SMUG1: variants seen among roughly 807,000 people sequenced by gnomAD.
SMUG1 encodes single-strand-selective monofunctional uracil-DNA glycosylase 1, also known as single-strand selective monofunctional uracil DNA glycosylase.
SMUG1 carries 13 observed loss-of-function variants against 23.9 expected under a neutral mutation model. That is an observed-to-expected ratio of 0.54 (90% CI 0.35 to 0.86). The LOEUF is 0.86. Ranked by LOEUF, SMUG1 falls within the 40% of genes least tolerant of loss-of-function variation. The probability of loss-of-function intolerance (pLI) is 0.01; values close to 1 mark genes in which losing one functional copy is unlikely to be tolerated. For synonymous variants in SMUG1, 133 were observed against 139.8 expected, an observed-to-expected ratio of 0.95 and a Z score of 0.34; for missense variants, 313 against 339.5, an observed-to-expected ratio of 0.92 and a Z score of 0.61.
At chr12:54,163,921 G>A (rs1363422108), downstream of SMUG1, among the ~76,000 whole-genome samples, 3 of 152,110 alleles carry the variant, frequency 2.0e-5, no homozygotes, top group East Asian at 1.9e-4. Flanking sequence ...AACAAAGGAG[G>A]GCTTCACAGT....
chr12:54,164,816 T>G (rs1300872339), intron 4 of SMUG1: 1 of 152,236 alleles, frequency 6.6e-6, no homozygotes, highest in African/African-American at 2.4e-5. Context: ...ATAGTAGCAG[T>G]GAAAACATGA....
At position 54,180,402 on chromosome 12, in the gene SMUG1, G is replaced by A. The variant is rs1398780681; in HGVS notation, c.*1694C>T. 6.6e-6 allele frequency: 1 copy of A among 152,192 alleles called. No homozygotes were observed. The highest frequency in any genetic ancestry group is 1.5e-5 in the Non-Finnish European group (1 of 68,030). The allele number at this position is 152,192 out of a possible 1,614,324, so 9.4% of individuals were successfully genotyped here. ...GCCAAATTCTTTATTATACAATGAA[G>A]TAGGGGAGGATTTATATGAAAAATC... On this transcript the variant is annotated 3_prime_UTR_variant, in exon 4 of 4. Transcript: ENST00000682136.
At position 54,181,665 on chromosome 12, in the gene SMUG1, A is replaced by T; in HGVS notation, c.*431T>A. ...CTTGGTCCCTGTGAGGAAAGGGGTCAGCTAAAGGTAACTGTTCTATAAGGA... is the reference window on the plus strand; with the variant it reads ...CTTGGTCCCTGTGAGGAAAGGGGTCTGCTAAAGGTAACTGTTCTATAAGGA... On this transcript the variant is annotated 3_prime_UTR_variant, in exon 4 of 4. Coordinates refer to ENST00000682136, the MANE Select transcript of SMUG1 (RefSeq NM_001243787.2). 1 of 1,588,104 alleles carries T rather than the reference A, an allele frequency of 6.3e-7. No homozygotes were observed. Among genetic ancestry groups the T allele is most frequent in the Non-Finnish European group, 8.5e-7 (1 of 1,174,738 alleles).
In SMUG1 at chr12:54,181,666, G is replaced by C. The variant is rs1225613096; in HGVS notation, c.*430C>G. 3.1e-6 allele frequency: 5 copies of C among 1,587,792 alleles called. No homozygotes were observed. The South Asian group carries it at 5.6e-5, about 18-fold the overall frequency. ...TTGGTCCCTGTGAGGAAAGGGGTCA[G>C]CTAAAGGTAACTGTTCTATAAGGAT... On this transcript the variant is annotated 3_prime_UTR_variant, in exon 4 of 4. Transcript: ENST00000682136.
chr12:54,159,170 C>A (rs1236391894), intron 4 of SMUG1, among the ~76,000 whole-genome samples: 2 of 152,262 alleles, frequency 1.3e-5, no homozygotes, highest in East Asian at 3.9e-4. Context: ...CCAGCCCCAG[C>A]CCCAGCGGAG....
chr12:54,166,521 C>A (rs901388383), intron 3 of SMUG1, among the ~76,000 whole-genome samples: 1 of 152,186 alleles, frequency 6.6e-6, no homozygotes, highest in African/African-American at 2.4e-5. Flanking sequence ...CCCCTTCCCA[C>A]TCCTAAATTG....
rs141592763 is a variant in SMUG1 at position 54,183,895 on chromosome 12, C to T, written c.46G>A (p.Ala16Thr). 1.9e-6 allele frequency: 3 copies of T among 1,604,972 alleles called. No homozygotes were observed. The highest frequency in any genetic ancestry group is 1.3e-5 in the African/African-American group (1 of 74,836). ...GGGCAGGGCTGGGGCTCCATGAGGGCACCTGCAGGCTCATGGATGGACCCC... is the reference window on the plus strand; with the variant it reads ...GGGCAGGGCTGGGGCTCCATGAGGGTACCTGCAGGCTCATGGATGGACCCC... ...LLGSIHEPAG[A>T]LMEPQPCPGS... Residue 16 changes from alanine to threonine, a missense_variant, in exon 3 of 4, where the codon GCC becomes ACC. Ala to Thr is a moderately conservative substitution (Grantham distance 58). Coordinates refer to ENST00000682136, the MANE Select transcript of SMUG1 (RefSeq NM_001243787.2).
intron 3 of SMUG1, among the ~76,000 whole-genome samples, chr12:54,166,263 A>G (rs1940460852): frequency 6.6e-6 from 1 of 152,206 alleles, no homozygotes; most frequent in Non-Finnish European, 1.5e-5. Context: ...CGGGAGGCTG[A>G]GGCAGGAGAA....
In SMUG1 at chr12:54,181,458, C is replaced by T; in HGVS notation, c.*638G>A. 1 of 1,157,722 alleles carries T rather than the reference C, an allele frequency of 8.6e-7. No homozygotes were observed. Among genetic ancestry groups the T allele is most frequent in the Non-Finnish European group, 1.2e-6 (1 of 807,788 alleles). The allele number at this position is 1,157,722 out of a possible 1,614,324, so 71.7% of individuals were successfully genotyped here. On this transcript the variant is annotated 3_prime_UTR_variant, in exon 4 of 4. Coordinates refer to ENST00000682136, the MANE Select transcript of SMUG1 (RefSeq NM_001243787.2). ...CCATAAGGTAGGCATCCCTGTTTTA[C>T]AGATGAGGAGCCTGAGGCATAGAGA...
At chr12:54,184,154 C>A (rs1160052292) in intron 2 of SMUG1, 195 bp from the exon 3 acceptor site, 1 of 462,050 alleles carries the variant, frequency 2.2e-6, no homozygotes, top group East Asian at 3.3e-5. Context: ...TCCCTCCCCA[C>A]TTCCATTATC....
In SMUG1 at chr12:54,170,105, G is replaced by GT. The variant is rs547209755; in HGVS notation, c.*52+1919_*52+1920insA. On this transcript the variant is annotated intron_variant and NMD_transcript_variant, in intron 3 of 4. Transcript: ENST00000509864. ...CCCAGCTACTCGGGAGGCTGGGGCA[G>GT]GAGAATCACTTGAACCTGGGAGGCA... is the stretch of plus-strand genomic sequence containing the variant. Among the ~76,000 whole-genome samples, 170 of 152,182 alleles carry GT rather than the reference G, an allele frequency of 1.1e-3. 1 individual carries two copies. The highest frequency in any genetic ancestry group is 4.0e-3 in the African/African-American group (165 of 41,530).
chr12:54,158,664 C>T (rs1940124947), intron 4 of SMUG1, among the ~76,000 whole-genome samples: 1 of 152,174 alleles, frequency 6.6e-6, no homozygotes, highest in Non-Finnish European at 1.5e-5. Context: ...GCCTCCCACA[C>T]TGATGTGTCA....
chr12:54,188,298 T>TAATAAAA, intron 1 of SMUG1, among the ~76,000 whole-genome samples: 1 of 60,988 alleles, frequency 1.6e-5, no homozygotes, highest in South Asian at 4.9e-4. Flanking sequence ...TAATAATAAA[T>TAATAAAA]AATAATAATA....
chr12:54,186,755 C>T (rs1457844203), intron 2 of SMUG1: 1 of 152,256 alleles, frequency 6.6e-6, no homozygotes, highest in African/African-American at 2.4e-5. Context: ...TTTGCCTCCC[C>T]AGCTAAACTT....
chr12:54,165,237 C>CAGCA (rs1403112134), intron 4 of SMUG1: 1 of 152,250 alleles, frequency 6.6e-6, no homozygotes, highest in African/African-American at 2.4e-5. Flanking sequence ...TGCACATGAT[C>CAGCA]AGCAGACCCT....
At chr12:54,171,994 C>G in intron 3 of SMUG1, 2 of 419,606 alleles carry the variant, frequency 4.8e-6, no homozygotes, top group South Asian at 3.2e-5. Flanking sequence ...CTGCTGCCAT[C>G]TCCCTGGTCC....
chr12:54,170,045 A>G (rs1419667850), intron 3 of SMUG1, among the ~76,000 whole-genome samples: 2 of 152,038 alleles, frequency 1.3e-5, no homozygotes, highest in East Asian at 3.9e-4. Flanking sequence ...CTAAAAATAC[A>G]AAATTAGCCG....
Position 54,182,273 on chromosome 12 carries a change from TC to T in SMUG1, c.635del (p.Gly212GlufsTer17). The stretch of plus-strand genomic sequence containing the variant: ...CCCGCTGCTCTGCCAGTCGCCCAAC[TC>T]CCACCACCAGCCGCACCCCCAGCAG... ...VQLLGVRLVV[G>X]VGRLAEQRAR... On this transcript the variant is annotated frameshift_variant, in exon 4 of 4. Transcript: ENST00000682136. LOFTEE classifies it high-confidence loss of function. The T allele has an allele frequency of 6.2e-7, 1 of 1,611,578 alleles. No homozygotes were observed. The highest frequency in any genetic ancestry group is 8.5e-7 in the Non-Finnish European group (1 of 1,178,690).
In SMUG1 at chr12:54,183,847, G is replaced by A; in HGVS notation, c.94C>T (p.Leu32=). ...GCATTGAGCCGAAGCTCCTCCTCCA[G>A]GAAGCTCTCAGCCAAGCTTCCAGGG... The part of the protein sequence containing the change: ...PCPGSLAESF[L]EEELRLNAEL... Residue 32 remains leucine, a synonymous_variant, in exon 3 of 4, where the codon CTG becomes TTG. Coordinates refer to ENST00000682136, the MANE Select transcript of SMUG1 (RefSeq NM_001243787.2). 1 of 1,613,558 alleles carries A rather than the reference G, an allele frequency of 6.2e-7. No homozygotes were observed. The highest frequency in any genetic ancestry group is 1.1e-5 in the South Asian group (1 of 90,910).
Sources: gnomAD v4.1 joint callset for allele counts (sites outside exome capture counted in the v4.1 genomes callset) on GRCh38, gnomAD v4.1.1 for gene constraint, MANE v1.5 for transcripts, NCBI Gene and HGNC (gene_info 2026-07-23, HGNC 2026-07-21) for gene names.